STK35: variants seen among roughly 807,000 people sequenced by gnomAD.
The protein encoded by STK35 is serine/threonine kinase 35.
A neutral mutation model predicts 37.3 loss-of-function variants in STK35; 17 were observed. The observed-to-expected ratio is 0.46, with a 90% CI of 0.31 to 0.68. The LOEUF is 0.68. Among genes scored for constraint, STK35 ranks in the 30% least tolerant of loss-of-function variants. The probability of loss-of-function intolerance (pLI) is 0.05; values close to 1 mark genes in which losing one functional copy is unlikely to be tolerated. For missense variants in STK35, 595 were observed against 746.7 expected, an observed-to-expected ratio of 0.80 and a Z score of 2.37; for synonymous variants, 385 against 319.1, an observed-to-expected ratio of 1.21 and a Z score of -2.20.
intron 2 of STK35, 122 bp downstream of exon 2, chr20:2,103,487 C>A: frequency 1.1e-6 from 1 of 885,820 alleles, no homozygotes; most frequent in Non-Finnish European, 1.7e-6. Flanking sequence ...ACCCTGTGCC[C>A]TGACACACCC....
intron 3 of STK35, among the ~76,000 whole-genome samples, chr20:2,136,099 T>C (rs1986082308): frequency 6.6e-6 from 1 of 152,162 alleles, no homozygotes; most frequent in South Asian, 2.1e-4. Flanking sequence ...TAACTTAGAC[T>C]CAGGGGACAC....
chr20:2,122,189 C>A (rs1985830513), intron 3 of STK35, among the ~76,000 whole-genome samples: 1 of 152,034 alleles, frequency 6.6e-6, no homozygotes. Context: ...CAAAAATTAG[C>A]CAGGTGTGGT....
intron 3 of STK35, among the ~76,000 whole-genome samples, chr20:2,141,400 C>A (rs1225944891): frequency 6.6e-6 from 1 of 152,108 alleles, no homozygotes; most frequent in East Asian, 1.9e-4. Context: ...CACCCACTTT[C>A]TTGGTCACCC....
At chr20:2,127,177 G>A in intron 3 of STK35, among the ~76,000 whole-genome samples, 1 of 152,122 alleles carries the variant, frequency 6.6e-6, no homozygotes, top group South Asian at 2.1e-4. Flanking sequence ...CAAAGATGAT[G>A]TGAACCAGTT....
At position 2,145,229 on chromosome 20, in the gene STK35, G is replaced by A. The variant is rs1326515802; in HGVS notation, c.*1483G>A. 1 of 152,346 alleles carries A rather than the reference G, an allele frequency of 6.6e-6. No homozygotes were observed. The highest frequency in any genetic ancestry group is 2.4e-5 in the African/African-American group (1 of 41,440). The allele number at this position is 152,346 out of a possible 1,614,324, so 9.4% of individuals were successfully genotyped here. On this transcript the variant is annotated 3_prime_UTR_variant, in exon 4 of 4. Transcript: ENST00000381482. ...CTGCAAGAAGGGGCAATGCTCTTGT[G>A]TTGTCCCTCTGTCTGGACGCGCCTG... is the stretch of plus-strand genomic sequence containing the variant.
chr20:2,140,308 G>A (rs1487284212), intron 3 of STK35, among the ~76,000 whole-genome samples: 1 of 152,182 alleles, frequency 6.6e-6, no homozygotes, highest in Non-Finnish European at 1.5e-5. Context: ...GTCAGGCACA[G>A]CCTGAGCAGT....
intron 2 of STK35, among the ~76,000 whole-genome samples, chr20:2,103,931 T>G (rs7271573): frequency 0.52 from 78,659 of 151,956 alleles, 21,201 homozygotes; most frequent in East Asian, 0.94. Flanking sequence ...GCAAACTGAC[T>G]GTCTTCTGGC....
At chr20:2,109,861 T>C (rs1985585191) in intron 2 of STK35, among the ~76,000 whole-genome samples, 1 of 152,200 alleles carries the variant, frequency 6.6e-6, no homozygotes. Flanking sequence ...AATTGGGGGA[T>C]TGGGGGCAGG....
chr20:2,111,733 C>A (rs892604198), intron 2 of STK35, among the ~76,000 whole-genome samples: 3 of 152,184 alleles, frequency 2.0e-5, no homozygotes, highest in African/African-American at 4.8e-5. Flanking sequence ...TAAGAACTTT[C>A]AGTCACTTCC....
Position 2,101,887 on chromosome 20 carries a change from C to T in STK35, c.6C>T (p.Gly2=), listed in dbSNP as rs779977810. The T allele has an allele frequency of 1.7e-5, 24 of 1,433,802 alleles. No homozygotes were observed. Among genetic ancestry groups the T allele is most frequent in the Middle Eastern group, 4.4e-4 (2 of 4,514 alleles). The allele number at this position is 1,433,802 out of a possible 1,614,324, so 88.8% of individuals were successfully genotyped here. Residue 2 remains glycine (G), a synonymous_variant, in exon 1 of 4, where the codon GGC becomes GGT. Coordinates refer to ENST00000381482, the MANE Select transcript of STK35 (RefSeq NM_080836.4). M[G]HQESPLARAP... ...CTCGGCTGGCGTCCCGGGGGATGGG[C>T]CACCAGGAGTCTCCGCTGGCCCGGG...
intron 3 of STK35, among the ~76,000 whole-genome samples, chr20:2,132,493 T>C (rs1184419722): frequency 6.6e-6 from 1 of 152,222 alleles, no homozygotes; most frequent in Admixed American, 6.5e-5. Flanking sequence ...CTGAGGAGAA[T>C]GAACTTCATC....
intron 3 of STK35, among the ~76,000 whole-genome samples, chr20:2,123,811 C>T (rs950004861): frequency 1.3e-5 from 2 of 152,110 alleles, no homozygotes; most frequent in Non-Finnish European, 2.9e-5. Flanking sequence ...TCAGGATGGC[C>T]AGGAACTAGC....
chr20:2,102,942 C>G lies in STK35; in HGVS notation c.469C>G (p.Pro157Ala), dbSNP rs766306701. The G allele has an allele frequency of 6.7e-6, 10 of 1,501,426 alleles. 1 individual carries two copies. The South Asian group carries it at 1.2e-4, about 19-fold the overall frequency. 93.0% of individuals were successfully genotyped at this position (1,501,426 alleles called of 1,614,324 possible). A position where few individuals can be genotyped will look rare whatever the true frequency, so the allele number is the denominator to read the frequency against. ...GGAGCGGAAAAGGCGAAGCCCAGTGCCGCGGGCGCCCAGCACGAAGCTGAG... is the reference window on the plus strand; with the variant it reads ...GGAGCGGAAAAGGCGAAGCCCAGTGGCGCGGGCGCCCAGCACGAAGCTGAG... The part of the protein sequence containing the change: ...SPERKRRSPV[P>A]RAPSTKLRPA... Residue 157 changes from proline (P) to alanine (A), a missense_variant, in exon 2 of 4, where the codon CCG (proline) becomes GCG (alanine). This residue lies in a region of STK35 where 389 missense variants were observed against 320.0 expected (regional missense o/e 1.22). Coordinates refer to ENST00000381482, the MANE Select transcript of STK35 (RefSeq NM_080836.4).
intron 3 of STK35, among the ~76,000 whole-genome samples, chr20:2,133,619 G>T (rs1206441078): frequency 1.3e-5 from 2 of 152,178 alleles, no homozygotes; most frequent in African/African-American, 4.8e-5. Context: ...AGTGAGTCTG[G>T]GTTCTCAGAC....
chr20:2,122,675 G>A (rs547697743), intron 3 of STK35, among the ~76,000 whole-genome samples: 1 of 152,246 alleles, frequency 6.6e-6, no homozygotes, highest in Non-Finnish European at 1.5e-5. Context: ...AGGTTGTTGG[G>A]GGAATCACAA....
chr20:2,118,934 C>G (rs1477338991), intron 3 of STK35, among the ~76,000 whole-genome samples: 1 of 152,210 alleles, frequency 6.6e-6, no homozygotes, highest in Non-Finnish European at 1.5e-5. Flanking sequence ...TATGTAAGTA[C>G]ACTCTTGACA....
chr20:2,145,497 C>A lies in STK35; in HGVS notation c.*1751C>A, dbSNP rs1986247673. ...GGAGAGAACAGTGCATCAGGCCAGG[C>A]TCAGCAATATGTTTGCTCACATTCT... On this transcript the variant is annotated 3_prime_UTR_variant, in exon 4 of 4. Transcript: ENST00000381482. 1 of 152,176 alleles carries A rather than the reference C, an allele frequency of 6.6e-6. No individual in the cohort carries two copies. The highest frequency in any genetic ancestry group is 2.4e-5 in the African/African-American group (1 of 41,442). The allele number at this position is 152,176 out of a possible 1,614,324, so 9.4% of individuals were successfully genotyped here.
In STK35 at chr20:2,102,111, A is replaced by G. The variant is rs1488387551; in HGVS notation, c.230A>G (p.Asp77Gly). Reference sequence around the variant, plus strand: ...CGGAGGCAGCCCGGGCCCGGAGCGGACCATCCCCAGGCAGGGGCTCCAGGG... The same window carrying G: ...CGGAGGCAGCCCGGGCCCGGAGCGGGCCATCCCCAGGCAGGGGCTCCAGGG... The part of the protein sequence containing the change: ...RSRRQPGPGA[D>G]HPQAGAPGGK... Residue 77 changes from aspartate to glycine, a missense_variant, in exon 1 of 4, where the codon GAC becomes GGC. By Grantham distance (94) the Asp-to-Gly change is moderately conservative (BLOSUM62 -1). This residue lies in a region of STK35 where 389 missense variants were observed against 320.0 expected (regional missense o/e 1.22). Transcript: ENST00000381482. 3.6e-5 allele frequency: 52 copies of G among 1,447,086 alleles called. No homozygotes were observed. Among genetic ancestry groups the G allele is most frequent in the Non-Finnish European group, 4.7e-5 (52 of 1,098,554 alleles). The allele number at this position is 1,447,086 out of a possible 1,614,324, so 89.6% of individuals were successfully genotyped here.
chr20:2,126,526 A>G (rs1985909686), intron 3 of STK35, among the ~76,000 whole-genome samples: 1 of 152,212 alleles, frequency 6.6e-6, no homozygotes, highest in Admixed American at 6.5e-5. Context: ...ACTACTGTTC[A>G]GGTAGTGAAA....
Sources: allele counts gnomAD v4.1 joint callset (sites outside exome capture counted in the v4.1 genomes callset), GRCh38; gene constraint gnomAD v4.1.1; regional missense constraint gnomAD v4.1.1; transcripts MANE v1.5; gene names NCBI Gene and HGNC (gene_info 2026-07-23, HGNC 2026-07-21).